The following HS6ST2 variants were observed in gnomAD, a reference collection of about 807,000 sequenced individuals.
HS6ST2 encodes heparan-sulfate 6-O-sulfotransferase 2.
HS6ST2 carries 17 observed loss-of-function variants against 33.0 expected under a neutral mutation model. The observed-to-expected ratio is 0.52, with a 90% CI of 0.35 to 0.77. HS6ST2 has a LOEUF of 0.77. Ranked by LOEUF, HS6ST2 falls within the 30% of genes least tolerant of loss-of-function variation. HS6ST2 has a pLI of 0.01. For missense variants in HS6ST2, 519 were observed against 551.7 expected (o/e 0.94, Z 0.59); for synonymous variants, 248 against 237.1 (o/e 1.05, Z -0.42).
At chrX:132,787,177 A>G (rs1191989330) in intron 2 of HS6ST2, among the ~76,000 whole-genome samples, 1 of 82,434 alleles carries the variant, frequency 1.2e-5, no homozygotes, top group Admixed American at 1.4e-4. Flanking sequence ...GTATATATAT[A>G]TATATATATA....
chrX:132,851,777 T>G (rs1178269207), intron 2 of HS6ST2, among the ~76,000 whole-genome samples: 1 of 111,976 alleles, frequency 8.9e-6, no homozygotes, highest in Non-Finnish European at 1.9e-5. Flanking sequence ...TAAATCTTTT[T>G]CCTTAGTATT....
intron 2 of HS6ST2, among the ~76,000 whole-genome samples, chrX:132,943,872 G>C (rs781174249): frequency 8.0e-4 from 89 of 111,525 alleles, no homozygotes; most frequent in African/African-American, 2.9e-3. Context: ...AATAATAACA[G>C]CTATTTATGA....
At position 132,958,527 on chromosome X, in the gene HS6ST2, T is replaced by TGGTGCGGACGGGC. The variant is rs1230094435; in HGVS notation, c.63_75dup (p.Thr26AlafsTer35). 2 of 1,182,426 alleles carry TGGTGCGGACGGGC rather than the reference T, an allele frequency of 1.7e-6. No individual in the cohort carries two copies. The highest frequency in any genetic ancestry group is 2.3e-6 in the Non-Finnish European group (2 of 881,848). On this transcript the variant is annotated frameshift_variant, in exon 1 of 5. Transcript: ENST00000370833. LOFTEE classifies it high-confidence loss of function. The stretch of plus-strand genomic sequence containing the variant: ...ACTCTGGAATGCCGGCGGGGACAGG[T>TGGTGCGGACGGGC]GGTGCGGACGGGCGCTCCTCGCTCC...
At chrX:132,727,944 T>C (rs1174774380) in intron 2 of HS6ST2, among the ~76,000 whole-genome samples, 1 of 112,211 alleles carries the variant, frequency 8.9e-6, no homozygotes, top group African/African-American at 3.2e-5. Context: ...CTGAGGTTCA[T>C]GCATGTTGTA....
At chrX:132,659,601 C>T (rs1436739094) in intron 4 of HS6ST2, among the ~76,000 whole-genome samples, 3 of 111,751 alleles carry the variant, frequency 2.7e-5, no homozygotes, top group Non-Finnish European at 5.6e-5. Flanking sequence ...AGCAGCAGGA[C>T]CAGTCTTCTA....
intron 2 of HS6ST2, among the ~76,000 whole-genome samples, chrX:132,911,149 C>CAA (rs148210404): frequency 0.011 from 933 of 87,280 alleles, 9 homozygotes; most frequent in South Asian, 0.019. Flanking sequence ...GACGCTATCT[C>CAA]AAAAAAAAAA....
intron 2 of HS6ST2, among the ~76,000 whole-genome samples, chrX:132,874,446 C>G (rs2066091257): frequency 9.0e-6 from 1 of 111,198 alleles, no homozygotes; most frequent in Admixed American, 9.5e-5. Flanking sequence ...TGTGGTGGCA[C>G]ACACCTGTAG....
chrX:132,652,683 C>T (rs757681650), intron 4 of HS6ST2, among the ~76,000 whole-genome samples: 1 of 110,186 alleles, frequency 9.1e-6, no homozygotes, highest in South Asian at 3.9e-4. Context: ...AAGTCGGTAG[C>T]AATTGAAAAT....
chrX:132,761,825 G>C (rs953254935), intron 2 of HS6ST2, among the ~76,000 whole-genome samples: 1 of 111,599 alleles, frequency 9.0e-6, no homozygotes, highest in Middle Eastern at 4.2e-3. Context: ...ATACGGGTCT[G>C]AATCTTCTGT....
At chrX:132,799,469 G>A (rs186373383) in intron 2 of HS6ST2, among the ~76,000 whole-genome samples, 1 of 108,971 alleles carries the variant, frequency 9.2e-6, no homozygotes, top group East Asian at 2.9e-4. Flanking sequence ...CAACCTTCCA[G>A]GCTTAATCAA....
intron 2 of HS6ST2, among the ~76,000 whole-genome samples, chrX:132,946,647 TAGG>T (rs1352278026): frequency 9.0e-6 from 1 of 111,287 alleles, no homozygotes; most frequent in African/African-American, 3.3e-5. Context: ...GGGATAGCAT[TAGG>T]AGATGTACCT....
intron 2 of HS6ST2, among the ~76,000 whole-genome samples, chrX:132,828,481 A>G (rs1322436991): frequency 7.4e-5 from 8 of 107,733 alleles, no homozygotes; most frequent in Admixed American, 2.0e-4. Flanking sequence ...TCCGAGCAAC[A>G]CCAAAGCCAT....
intron 2 of HS6ST2, among the ~76,000 whole-genome samples, chrX:132,798,587 T>C: frequency 8.9e-6 from 1 of 112,191 alleles, no homozygotes; most frequent in Admixed American, 9.5e-5. Context: ...CCCTGAAGCA[T>C]GTCAAAACAT....
intron 2 of HS6ST2, among the ~76,000 whole-genome samples, chrX:132,837,825 T>C (rs1019560650): frequency 9.8e-5 from 11 of 112,177 alleles, no homozygotes; most frequent in South Asian, 7.5e-4. Context: ...CAACCATTTT[T>C]TGTTTGCTGT....
chrX:132,780,625 C>A (rs2065009355), intron 2 of HS6ST2, among the ~76,000 whole-genome samples: 1 of 111,472 alleles, frequency 9.0e-6, no homozygotes, highest in Non-Finnish European at 1.9e-5. Context: ...ACTTGCCCAG[C>A]CTCAGTGCGC....
At chrX:132,887,967 G>A (rs2066268520) in intron 2 of HS6ST2, among the ~76,000 whole-genome samples, 1 of 111,813 alleles carries the variant, frequency 8.9e-6, no homozygotes. Context: ...ATAGAAAGTG[G>A]TTCACTCAGT....
intron 2 of HS6ST2, among the ~76,000 whole-genome samples, chrX:132,730,424 T>C (rs1479885848): frequency 8.9e-6 from 1 of 112,227 alleles, no homozygotes; most frequent in Non-Finnish European, 1.9e-5. Flanking sequence ...CATATCCATG[T>C]CTGAATCAAG....
chrX:132,862,210 T>C (rs959504009), intron 2 of HS6ST2, among the ~76,000 whole-genome samples: 1 of 112,305 alleles, frequency 8.9e-6, no homozygotes, highest in Admixed American at 9.5e-5. Flanking sequence ...TTCATACCTG[T>C]ACATTTTTTC....
chrX:132,662,489 G>A (rs1482521213), intron 4 of HS6ST2, among the ~76,000 whole-genome samples: 1 of 112,105 alleles, frequency 8.9e-6, no homozygotes, highest in Admixed American at 9.4e-5. Flanking sequence ...TAGAAAAAGA[G>A]TCACTGAGGA....
Sources: gnomAD v4.1 joint callset for allele counts (sites outside exome capture counted in the v4.1 genomes callset) on GRCh38, gnomAD v4.1.1 for gene constraint, MANE v1.5 for transcripts, NCBI Gene and HGNC (gene_info 2026-07-23, HGNC 2026-07-21) for gene names.